Variants in PRELID2 observed in about 807,000 individuals in gnomAD.
PRELID2 encodes the protein PRELI domain-containing protein 2.
PRELID2 carries 25 observed loss-of-function variants against 28.4 expected under a neutral mutation model. The ratio of observed to expected loss-of-function variants is 0.88; its 90% CI spans 0.64 to 1.23. PRELID2 has a LOEUF of 1.23. PRELID2 is among the 50% of genes most tolerant of loss of function. The pLI is 0.00. For missense variants in PRELID2, 201 were observed against 214.4 expected, an observed-to-expected ratio of 0.94 and a Z score of 0.39; for synonymous variants, 76 against 71.6, an observed-to-expected ratio of 1.06 and a Z score of -0.31.
At chr5:145,392,680 A>AGAGAGAGGGAG in the PRELID2 span, among the ~76,000 whole-genome samples, 1 of 152,086 alleles carries the variant, frequency 6.6e-6, no homozygotes, top group South Asian at 2.1e-4. Flanking sequence ...AGAGAAAGAA[A>AGAGAGAGGGAG]GAGAGAGGGA....
the PRELID2 span, among the ~76,000 whole-genome samples, chr5:145,375,809 C>T: frequency 6.6e-6 from 1 of 152,334 alleles, no homozygotes; most frequent in Non-Finnish European, 1.5e-5. Flanking sequence ...GGGGCCAAGC[C>T]ATCCAGCCCC....
At chr5:145,494,793 C>T (rs989820914) in intron 1 of PRELID2, among the ~76,000 whole-genome samples, 5 of 152,032 alleles carry the variant, frequency 3.3e-5, no homozygotes, top group African/African-American at 1.2e-4. Context: ...TCTAAAGCTG[C>T]AAATCTCATT....
chr5:145,798,324 A>G (rs1181033447), intron 4 of PRELID2, among the ~76,000 whole-genome samples: 1 of 152,176 alleles, frequency 6.6e-6, no homozygotes, highest in East Asian at 1.9e-4. Context: ...CTATTTGAAG[A>G]AATAATGGCT....
At chr5:145,550,283 T>A (rs1369921521) in intron 1 of PRELID2, among the ~76,000 whole-genome samples, 1 of 152,126 alleles carries the variant, frequency 6.6e-6, no homozygotes, top group East Asian at 1.9e-4. Context: ...AGGAGAGCCT[T>A]TGTGGCCAGA....
chr5:145,573,441 A>G (rs559789530), intron 1 of PRELID2, among the ~76,000 whole-genome samples: 1 of 151,988 alleles, frequency 6.6e-6, no homozygotes, highest in African/African-American at 2.4e-5. Context: ...TCAACCCGTC[A>G]TCTACCTTTT....
chr5:145,755,772 T>C (rs1757240884), downstream of PRELID2, among the ~76,000 whole-genome samples: 1 of 152,206 alleles, frequency 6.6e-6, no homozygotes, highest in South Asian at 2.1e-4. Flanking sequence ...AATCCTGCCG[T>C]ATTCCTGCAC....
chr5:145,454,034 C>G, the PRELID2 span, among the ~76,000 whole-genome samples: 1 of 152,136 alleles, frequency 6.6e-6, no homozygotes, highest in Non-Finnish European at 1.5e-5. Context: ...CTTGAGGAAT[C>G]ACCACATTGT....
the PRELID2 span, among the ~76,000 whole-genome samples, chr5:145,296,624 C>T: frequency 6.6e-6 from 1 of 152,210 alleles, no homozygotes; most frequent in East Asian, 1.9e-4. Context: ...CAAGTCTTTG[C>T]CATTGTGAAT....
chr5:145,484,240 G>A lies in PRELID2; in HGVS notation n.71-10925C>T, dbSNP rs1305700936. 3.3e-5 allele frequency among the ~76,000 whole-genome samples: 5 copies of A among 152,252 alleles called. No homozygotes were observed. In the East Asian group the frequency reaches 9.7e-4, roughly 29 times the overall value. On this transcript the variant is annotated intron_variant and non_coding_transcript_variant, in intron 1 of 2. Coordinates refer to the PRELID2 transcript ENST00000510259. ...AGTGCCTGGACTTTGAACATATGGA[G>A]ACTATGAGGAAGGGGCATTACAGGC...
At chr5:145,448,636 A>G in the PRELID2 span, among the ~76,000 whole-genome samples, 9 of 152,170 alleles carry the variant, frequency 5.9e-5, no homozygotes, top group African/African-American at 9.7e-5. Flanking sequence ...AGAGCTAACT[A>G]TCTTATTGTT....
chr5:145,592,283 T>C (rs1396032301), intron 1 of PRELID2, among the ~76,000 whole-genome samples: 2 of 152,000 alleles, frequency 1.3e-5, no homozygotes, highest in Non-Finnish European at 2.9e-5. Context: ...GGCGTGGTGG[T>C]GGTGCCTGTA....
intron 1 of PRELID2, among the ~76,000 whole-genome samples, chr5:145,546,527 G>T (rs1752790023): frequency 6.6e-6 from 1 of 152,110 alleles, no homozygotes; most frequent in African/African-American, 2.4e-5. Flanking sequence ...AATCACAGTG[G>T]GGAGTAAATG....
chr5:145,530,933 G>GAA (rs1752650006), intron 1 of PRELID2, among the ~76,000 whole-genome samples: 1 of 152,128 alleles, frequency 6.6e-6, no homozygotes, highest in Admixed American at 6.5e-5. Flanking sequence ...CAAATATGTA[G>GAA]AAAGTCTTAG....
chr5:145,821,454 T>G (rs1754823920), intron 2 of PRELID2, among the ~76,000 whole-genome samples: 1 of 152,102 alleles, frequency 6.6e-6, no homozygotes, highest in Non-Finnish European at 1.5e-5. Flanking sequence ...TGCGGTGAAG[T>G]TTCCAGAATT....
the PRELID2 span, among the ~76,000 whole-genome samples, chr5:145,328,313 C>A: frequency 6.6e-6 from 1 of 152,156 alleles, no homozygotes; most frequent in Non-Finnish European, 1.5e-5. Flanking sequence ...AATGGGATTG[C>A]TGAGTCAAAT....
intron 1 of PRELID2, among the ~76,000 whole-genome samples, chr5:145,551,969 A>G (rs994385291): frequency 2.0e-5 from 3 of 152,084 alleles, no homozygotes; most frequent in African/African-American, 7.2e-5. Flanking sequence ...CTGTCTCCCC[A>G]TGGACTGAAC....
At chr5:145,335,362 G>GT in the PRELID2 span, among the ~76,000 whole-genome samples, 1 of 151,572 alleles carries the variant, frequency 6.6e-6, no homozygotes, top group Non-Finnish European at 1.5e-5. Context: ...TTTATGTATT[G>GT]TTTTTCCTGG....
chr5:145,422,491 C>T, the PRELID2 span, among the ~76,000 whole-genome samples: 7 of 152,000 alleles, frequency 4.6e-5, no homozygotes, highest in Admixed American at 1.3e-4. Context: ...TATGTAATGG[C>T]CTTCTTTTTC....
chr5:145,593,298 AC>A (rs368878831), intron 1 of PRELID2, among the ~76,000 whole-genome samples: 16 of 152,310 alleles, frequency 1.1e-4, no homozygotes, highest in African/African-American at 3.8e-4. Context: ...ATTTAAAGGA[AC>A]CAGGGCTCCT....
Sources: allele counts gnomAD v4.1 joint callset (sites outside exome capture counted in the v4.1 genomes callset), GRCh38; gene constraint gnomAD v4.1.1; transcripts MANE v1.5; gene names NCBI Gene and HGNC (gene_info 2026-07-23, HGNC 2026-07-21).